The following PTGER4 variants were observed in gnomAD, a reference collection of about 807,000 sequenced individuals.
The protein encoded by PTGER4 is prostaglandin E receptor 4.
In PTGER4, 11 loss-of-function variants were observed where a neutral mutation model predicts 33.2. The ratio of observed to expected loss-of-function variants is 0.33; its 90% CI spans 0.21 to 0.55. The LOEUF (loss-of-function observed/expected upper bound fraction) is 0.55. PTGER4 is among the 20% of genes least tolerant of loss of function. PTGER4 has a pLI of 0.92. For missense variants in PTGER4, 481 were observed against 650.2 expected, an observed-to-expected ratio of 0.74 and a Z score of 2.83; for synonymous variants, 275 against 281.5, an observed-to-expected ratio of 0.98 and a Z score of 0.23.
the PTGER4 span, among the ~76,000 whole-genome samples, chr5:40,722,177 C>A: frequency 6.6e-6 from 1 of 152,000 alleles, no homozygotes; most frequent in South Asian, 2.1e-4. Flanking sequence ...GTCACTCCAG[C>A]CTGGGTGACA....
chr5:40,704,057 T>G, the PTGER4 span, among the ~76,000 whole-genome samples: 1 of 149,760 alleles, frequency 6.7e-6, no homozygotes. Flanking sequence ...CCAATCAATA[T>G]CCTTGATGAA....
chr5:40,696,597 C>T, downstream of PTGER4: 1 of 875,762 alleles, frequency 1.1e-6, no homozygotes, highest in Non-Finnish European at 1.4e-6. Flanking sequence ...GTCTTTGGTC[C>T]TTCTATCAAC....
the PTGER4 span, among the ~76,000 whole-genome samples, chr5:40,742,564 G>A: frequency 6.6e-6 from 1 of 152,146 alleles, no homozygotes; most frequent in African/African-American, 2.4e-5. Context: ...CATAATCACT[G>A]TATTGTAAAA....
chr5:40,687,076 C>G (rs1397460539), intron 2 of PTGER4, among the ~76,000 whole-genome samples: 1 of 152,058 alleles, frequency 6.6e-6, no homozygotes, highest in African/African-American at 2.4e-5. Context: ...GACGGAGTTT[C>G]ACTTTGTGGC....
downstream of PTGER4, among the ~76,000 whole-genome samples, chr5:40,697,285 A>G (rs190515786): frequency 1.7e-3 from 232 of 133,670 alleles, 1 homozygote; most frequent in Middle Eastern, 7.9e-3. Context: ...AAAGAAAGAA[A>G]GAAAGAAAGA....
chr5:40,716,475 G>T, the PTGER4 span: 1 of 1,592,342 alleles, frequency 6.3e-7, no homozygotes, highest in African/African-American at 1.4e-5. Flanking sequence ...AGATGTGAAG[G>T]GCTACTTGAA....
the PTGER4 span, among the ~76,000 whole-genome samples, chr5:40,737,018 G>C: frequency 1.3e-5 from 2 of 152,150 alleles, no homozygotes; most frequent in African/African-American, 4.8e-5. Context: ...ACTCAAGGTT[G>C]AGCATGGTGG....
the PTGER4 span, among the ~76,000 whole-genome samples, chr5:40,712,942 A>G: frequency 1.3e-5 from 2 of 152,166 alleles, no homozygotes; most frequent in Non-Finnish European, 2.9e-5. Flanking sequence ...GCAAGTGACT[A>G]AGGTAAATGA....
At chr5:40,725,784 CTTTT>C in the PTGER4 span, among the ~76,000 whole-genome samples, 5 of 126,044 alleles carry the variant, frequency 4.0e-5, no homozygotes, top group Admixed American at 8.1e-5. Flanking sequence ...TTCTCTTCAG[CTTTT>C]TTTTTTTTTT....
downstream of PTGER4, among the ~76,000 whole-genome samples, chr5:40,695,525 G>A (rs888050692): frequency 4.6e-5 from 7 of 151,744 alleles, no homozygotes; most frequent in Non-Finnish European, 7.4e-5. Flanking sequence ...TAGCCTGGGC[G>A]ACACAGCGAG....
chr5:40,689,677 A>T (rs1411513495), intron 2 of PTGER4, among the ~76,000 whole-genome samples: 2 of 152,158 alleles, frequency 1.3e-5, no homozygotes, highest in Non-Finnish European at 2.9e-5. Flanking sequence ...ATTCATTGTT[A>T]CGCTGTATAT....
the PTGER4 span, among the ~76,000 whole-genome samples, chr5:40,718,443 T>C: frequency 1.3e-5 from 2 of 150,092 alleles, no homozygotes. Context: ...CAGAGATAGG[T>C]ATATAAAGCA....
chr5:40,709,242 T>C, the PTGER4 span, among the ~76,000 whole-genome samples: 3 of 152,200 alleles, frequency 2.0e-5, no homozygotes, highest in African/African-American at 7.2e-5. Context: ...GAAGTCAAAT[T>C]GTCCCTGTTT....
At chr5:40,728,510 T>A in the PTGER4 span, 1 of 1,556,732 alleles carries the variant, frequency 6.4e-7, no homozygotes, top group Non-Finnish European at 8.7e-7. Flanking sequence ...AATCTGTCAG[T>A]AATATTCATA....
At chr5:40,701,128 T>G in the PTGER4 span, among the ~76,000 whole-genome samples, 1 of 152,120 alleles carries the variant, frequency 6.6e-6, no homozygotes, top group African/African-American at 2.4e-5. Flanking sequence ...ATGGTCAGAG[T>G]GTCCTCCAAA....
Position 40,692,377 on chromosome 5 carries a change from A to T in PTGER4, c.1466A>T (p.Ter489LeuextTer1). The change falls in exon 3 of 3, where the codon TAA (stop) becomes TTA (leucine). Residue 489 changes from the stop codon to leucine (L), a stop_lost. Coordinates refer to ENST00000302472, the MANE Select transcript of PTGER4 (RefSeq NM_000958.3). ...CTGAACTTATCAGAAAAATGTATAT[A>T]ATAGGCAAGGAAAGAAATACAGTAC... ...ETLNLSEKCI[*>L] The T allele has an allele frequency of 6.3e-7, 1 of 1,580,244 alleles. No individual in the cohort carries two copies.
intron 2 of PTGER4, chr5:40,685,533 G>C (rs1231430241): frequency 2.1e-6 from 2 of 933,898 alleles, no homozygotes; most frequent in Non-Finnish European, 2.6e-6. Context: ...AATAAATTTG[G>C]CTAAGTTTAA....
the PTGER4 span, among the ~76,000 whole-genome samples, chr5:40,717,229 CA>C: frequency 0.013 from 1,447 of 108,884 alleles, 23 homozygotes; most frequent in African/African-American, 0.041. Flanking sequence ...AACTCCATCT[CA>C]AAAAAAAAAA....
chr5:40,730,241 G>A, the PTGER4 span: 1 of 1,575,628 alleles, frequency 6.3e-7, no homozygotes, highest in Non-Finnish European at 8.7e-7. Context: ...TAAGGAAAGT[G>A]AAATTCTTCA....
Sources: allele counts gnomAD v4.1 joint callset (sites outside exome capture counted in the v4.1 genomes callset), GRCh38; gene constraint gnomAD v4.1.1; transcripts MANE v1.5; gene names NCBI Gene and HGNC (gene_info 2026-07-23, HGNC 2026-07-21).